The following DDX4 variants were observed in gnomAD, a reference collection of about 807,000 sequenced individuals.
DDX4 encodes probable ATP-dependent RNA helicase DDX4.
In DDX4, 25 loss-of-function variants were observed where a neutral mutation model predicts 100.0. That is an observed-to-expected ratio of 0.25 (90% CI 0.18 to 0.35). DDX4 has a LOEUF of 0.35. Among genes scored for constraint, DDX4 ranks in the 10% least tolerant of loss-of-function variants. DDX4 has a pLI of 1.00. For missense variants in DDX4, 635 were observed against 882.4 expected (o/e 0.72, Z 3.55); for synonymous variants, 259 against 275.7 (o/e 0.94, Z 0.60).
chr5:55,771,953 G>A (rs981202265), intron 7 of DDX4, among the ~76,000 whole-genome samples: 5 of 152,130 alleles, frequency 3.3e-5, no homozygotes, highest in Admixed American at 1.3e-4. Context: ...GGCCGGACGC[G>A]GTGGCTTATG....
intron 3 of DDX4, 23 bp downstream of exon 3, chr5:55,746,244 A>T: frequency 6.3e-7 from 1 of 1,594,956 alleles, no homozygotes; most frequent in Non-Finnish European, 8.5e-7. Flanking sequence ...GGAAAAAGGT[A>T]AAACCCTTTT....
In DDX4 at chr5:55,816,472, A is replaced by G. The variant is rs1299252798; in HGVS notation, c.2107A>G (p.Thr703Ala). Residue 703 changes from threonine to alanine, a missense_variant, in exon 22 of 22, where the codon ACT (threonine) becomes GCT (alanine). Physicochemically the swap from Thr to Ala is moderately conservative, Grantham distance 58. Transcript: ENST00000505374. ...TTTAAATAATTACCAGGGCAAGAGC[A>G]CTTTGAACACAGCTGGGTTTTCTTC... ...ASVDTRKGKSTLNTAGFSSSQ... is the reference protein window; with the variant it reads ...ASVDTRKGKSALNTAGFSSSQ... The G allele has an allele frequency of 1.2e-6, 2 of 1,608,626 alleles. No individual in the cohort carries two copies. Among genetic ancestry groups the G allele is most frequent in the African/African-American group, 2.7e-5 (2 of 74,274 alleles).
At chr5:55,781,800 A>T in intron 9 of DDX4, 134 bp from the exon 10 acceptor site, 1 of 988,524 alleles carries the variant, frequency 1.0e-6, no homozygotes, top group Non-Finnish European at 1.5e-6. Context: ...TTAAATCTAA[A>T]ATTAAGAGAT....
At chr5:55,757,704 C>G (rs528744548) in intron 3 of DDX4, among the ~76,000 whole-genome samples, 1 of 152,140 alleles carries the variant, frequency 6.6e-6, no homozygotes, top group African/African-American at 2.4e-5. Flanking sequence ...GTATTGAAGT[C>G]TTATGTAAAC....
intron 18 of DDX4, among the ~76,000 whole-genome samples, chr5:55,812,867 G>T (rs367908498): frequency 6.6e-6 from 1 of 150,862 alleles, no homozygotes; most frequent in African/African-American, 2.4e-5. Context: ...TTTTATTTCC[G>T]CATTTCCAAC....
intron 1 of DDX4, 47 bp from the exon 2 acceptor site, chr5:55,738,903 C>T: frequency 9.9e-7 from 1 of 1,011,042 alleles, no homozygotes; most frequent in Admixed American, 1.8e-5. Context: ...AGTTATGATT[C>T]TGATCTAATT....
At chr5:55,751,028 G>A (rs1015061033) in intron 3 of DDX4, among the ~76,000 whole-genome samples, 4 of 152,060 alleles carry the variant, frequency 2.6e-5, no homozygotes, top group East Asian at 1.9e-4. Context: ...TAGTGGACTC[G>A]AGTAGAATTA....
chr5:55,779,835 G>T (rs557970334), intron 7 of DDX4, 129 bp from the exon 8 acceptor site: 3 of 1,351,946 alleles, frequency 2.2e-6, no homozygotes, highest in African/African-American at 2.9e-5. Flanking sequence ...ATTTCTTTTT[G>T]ACAACAATGC....
At chr5:55,782,061 T>G in intron 10 of DDX4, 80 bp downstream of exon 10, 2 of 1,509,398 alleles carry the variant, frequency 1.3e-6, no homozygotes, top group Non-Finnish European at 1.8e-6. Flanking sequence ...CTTCACTGGT[T>G]GGAAACAAAT....
intron 10 of DDX4, 100 bp downstream of exon 10, chr5:55,782,081 G>C (rs1741947706): frequency 7.3e-7 from 1 of 1,361,972 alleles, no homozygotes; most frequent in Non-Finnish European, 1.0e-6. Flanking sequence ...TTTAATTTTT[G>C]AAGTTAAAGG....
intron 18 of DDX4, among the ~76,000 whole-genome samples, chr5:55,807,243 T>TA (rs1472517592): frequency 1.3e-5 from 2 of 152,238 alleles, no homozygotes; most frequent in Non-Finnish European, 2.9e-5. Flanking sequence ...GTCTCCTGAA[T>TA]ACAGCACACT....
intron 6 of DDX4, among the ~76,000 whole-genome samples, chr5:55,765,409 A>ATAT (rs1416478232): frequency 0.013 from 1,398 of 104,226 alleles, 4 homozygotes; most frequent in African/African-American, 0.03. Context: ...AAAAAAAAAA[A>ATAT]AAAAATATAT....
In DDX4 at chr5:55,798,434, C is replaced by T. The variant is rs1743100193; in HGVS notation, c.1478C>T (p.Ala493Val). 1.2e-6 allele frequency: 2 copies of T among 1,610,598 alleles called. No homozygotes were observed. Among genetic ancestry groups the T allele is most frequent in the Non-Finnish European group, 1.7e-6 (2 of 1,178,444 alleles). Reference protein sequence around the residue: ...TFPEEIQRLAAEFLKSNYLFV... With the variant: ...TFPEEIQRLAVEFLKSNYLFV... ...ATCTTTTGTTTTTCAAGGTTGGCTG[C>T]AGAGTTTTTAAAGTCAAATTATCTG... Residue 493 changes from alanine (A) to valine (V), a missense_variant, in exon 18 of 22, where the codon GCA (alanine) becomes GTA (valine). Coordinates refer to ENST00000505374, the MANE Select transcript of DDX4 (RefSeq NM_024415.3).
chr5:55,749,097 C>T (rs1365506857), intron 3 of DDX4, among the ~76,000 whole-genome samples: 5 of 152,066 alleles, frequency 3.3e-5, no homozygotes, highest in South Asian at 2.1e-4. Flanking sequence ...CAAAATTAAG[C>T]GAAAACAATT....
chr5:55,800,876 T>C (rs993430294), intron 18 of DDX4, among the ~76,000 whole-genome samples: 2 of 152,220 alleles, frequency 1.3e-5, no homozygotes, highest in African/African-American at 4.8e-5. Flanking sequence ...ATTTTGTTCA[T>C]ATGATTTATC....
chr5:55,739,022 T>A lies in DDX4; in HGVS notation c.59T>A (p.Ile20Lys). ...CCTCATATGTCTTCCTATGTTCCCA[T>A]ATTTGAGAAGGTAATAACATTTAAA... Reference protein sequence around the residue: ...INPHMSSYVPIFEKDRYSGEN... With the variant: ...INPHMSSYVPKFEKDRYSGEN... Residue 20 changes from isoleucine to lysine, a missense_variant, in exon 2 of 22, where the codon ATA (isoleucine) becomes AAA (lysine). By Grantham distance (102) the Ile-to-Lys change is moderately radical. Around this residue, in one of 4 missense-constraint regions of DDX4, gnomAD observed 446 missense variants for 540.8 expected, o/e 0.82. Coordinates refer to ENST00000505374, the MANE Select transcript of DDX4 (RefSeq NM_024415.3). 6.3e-7 allele frequency: 1 copy of A among 1,584,660 alleles called. No homozygotes were observed. The highest frequency in any genetic ancestry group is 8.7e-7 in the Non-Finnish European group (1 of 1,154,066).
At position 55,796,715 on chromosome 5, in the gene DDX4, C is replaced by A. The variant is rs114947411; in HGVS notation, c.1470-1711C>A. On this transcript the variant is annotated intron_variant, in intron 17 of 21. Transcript: ENST00000505374. ...ATTTGTGCTTGTTTCTTCTTTCCTA[C>A]TGCTTAGAATGCCTTTCCACAATCA... Among the ~76,000 whole-genome samples, 497 of 151,664 alleles carry A rather than the reference C, an allele frequency of 3.3e-3. 4 individuals carry two copies. The highest frequency in any genetic ancestry group is 0.012 in the African/African-American group (484 of 41,386).
chr5:55,758,421 T>A lies in DDX4; in HGVS notation c.128-1779T>A, dbSNP rs540902666. 3.0e-3 allele frequency among the ~76,000 whole-genome samples: 458 copies of A among 152,282 alleles called. 3 individuals are homozygous for A. Among genetic ancestry groups the A allele is most frequent in the African/African-American group, 0.01 (428 of 41,554 alleles). The stretch of plus-strand genomic sequence containing the variant: ...AGGTTATGTTGGTCTGTAGAATGAG[T>A]TGGTGAGTAATTTCTCTGTTTCCTG... On this transcript the variant is annotated intron_variant, in intron 3 of 21. Coordinates refer to ENST00000505374, the MANE Select transcript of DDX4 (RefSeq NM_024415.3).
At position 55,763,203 on chromosome 5, in the gene DDX4, T is replaced by C. The variant is rs1276632346; in HGVS notation, c.234T>C (p.Asn78=). Residue 78 remains asparagine, a synonymous_variant, in exon 5 of 22, where the codon AAT becomes AAC. Transcript: ENST00000505374. ...RDAGECNKRD[N]TSTMGGFGVG... ...CTGGTGAGTGTAATAAGCGAGATAA[T>C]ACATCCACAATGGGTGGTTTTGGAG... is the stretch of plus-strand genomic sequence containing the variant. 3 of 1,612,528 alleles carry C rather than the reference T, an allele frequency of 1.9e-6. No homozygotes were observed. Among genetic ancestry groups the C allele is most frequent in the Admixed American group, 3.3e-5 (2 of 59,998 alleles).
Sources: allele counts gnomAD v4.1 joint callset (sites outside exome capture counted in the v4.1 genomes callset), GRCh38; gene constraint gnomAD v4.1.1; regional missense constraint gnomAD v4.1.1; transcripts MANE v1.5; gene names NCBI Gene and HGNC (gene_info 2026-07-23, HGNC 2026-07-21).